The following GCA variants were observed in gnomAD, a reference collection of about 807,000 sequenced individuals.
GCA encodes the protein grancalcin.
Under a neutral mutation model 32.6 loss-of-function variants are expected in GCA, and 30 were observed. That is an observed-to-expected ratio of 0.92 (90% CI 0.69 to 1.25). The LOEUF (loss-of-function observed/expected upper bound fraction) is 1.25. GCA is among the 50% of genes most tolerant of loss of function. The pLI is 0.00. For missense variants in GCA, 291 were observed against 266.8 expected (o/e 1.09, Z -0.63); for synonymous variants, 102 against 84.6 (o/e 1.21, Z -1.13).
intron 2 of GCA, among the ~76,000 whole-genome samples, chr2:162,348,077 A>T (rs1684800884): frequency 6.6e-6 from 1 of 151,900 alleles, no homozygotes; most frequent in South Asian, 2.1e-4. Context: ...CCCCACCAAA[A>T]CTTAGATATA....
At chr2:162,351,007 C>T (rs946509989) in intron 2 of GCA, among the ~76,000 whole-genome samples, 2 of 152,096 alleles carry the variant, frequency 1.3e-5, no homozygotes, top group African/African-American at 2.4e-5. Flanking sequence ...ACATCTACAG[C>T]CATATCCTTT....
At chr2:162,371,263 C>G in intron 4 of GCA, 1 of 1,053,258 alleles carries the variant, frequency 9.5e-7, no homozygotes, top group South Asian at 1.3e-5. Flanking sequence ...GCTTCCTATA[C>G]TGTCAGAGGT....
chr2:162,370,023 A>G (rs1685874860), intron 4 of GCA, among the ~76,000 whole-genome samples: 1 of 152,300 alleles, frequency 6.6e-6, no homozygotes, highest in East Asian at 1.9e-4. Context: ...AAAATTAAGC[A>G]GGAATAAGAA....
At chr2:162,320,787 A>T (rs2105245332) in intron 1 of GCA, among the ~76,000 whole-genome samples, 1 of 152,208 alleles carries the variant, frequency 6.6e-6, no homozygotes, top group East Asian at 1.9e-4. Context: ...TATGGAGTTC[A>T]CATTCTAATG....
Position 162,352,421 on chromosome 2 carries a change from T to C in GCA, c.262+14T>C. ...GAACTTACTCTCGTGAGATCTTTTT[T>C]CCCCTTTTGTTGAAATTATAATAGG... On this transcript the variant is annotated intron_variant, in intron 3 of 7. Transcript: ENST00000437150. 2.8e-6 allele frequency: 4 copies of C among 1,448,966 alleles called. No homozygotes were observed. The highest frequency in any genetic ancestry group is 3.9e-6 in the Non-Finnish European group (4 of 1,036,350). The allele number at this position is 1,448,966 out of a possible 1,614,324, so 89.8% of individuals were successfully genotyped here. A position where few individuals can be genotyped will look rare whatever the true frequency, so the allele number is the denominator to read the frequency against.
chr2:162,367,235 G>A (rs146411468), downstream of GCA, among the ~76,000 whole-genome samples: 11 of 152,000 alleles, frequency 7.2e-5, no homozygotes, highest in African/African-American at 2.7e-4. Context: ...CATTTCCACC[G>A]TTCCGCACAA....
At chr2:162,350,415 G>T (rs1684933917) in intron 2 of GCA, among the ~76,000 whole-genome samples, 1 of 152,120 alleles carries the variant, frequency 6.6e-6, no homozygotes, top group Non-Finnish European at 1.5e-5. Flanking sequence ...CAGACCTATT[G>T]TATGAAACAA....
intron 1 of GCA, among the ~76,000 whole-genome samples, chr2:162,336,605 C>T (rs1226190071): frequency 1.3e-5 from 2 of 152,128 alleles, no homozygotes; most frequent in Non-Finnish European, 2.9e-5. Flanking sequence ...CAAGTCCTTA[C>T]TATAATCCTG....
At chr2:162,372,844 C>G (rs1180396594), downstream of GCA, among the ~76,000 whole-genome samples, 1 of 152,104 alleles carries the variant, frequency 6.6e-6, no homozygotes, top group Non-Finnish European at 1.5e-5. Flanking sequence ...TAACATAATT[C>G]AAAAGGACCC....
chr2:162,329,910 T>G (rs1245217355), intron 1 of GCA, among the ~76,000 whole-genome samples: 1 of 152,186 alleles, frequency 6.6e-6, no homozygotes, highest in Non-Finnish European at 1.5e-5. Context: ...GACTTATAAG[T>G]GAGAACATGC....
At chr2:162,327,776 G>A (rs1683938051) in intron 1 of GCA, among the ~76,000 whole-genome samples, 1 of 152,172 alleles carries the variant, frequency 6.6e-6, no homozygotes, top group African/African-American at 2.4e-5. Context: ...TTGGTGGCTG[G>A]GCCAAATACT....
At chr2:162,367,358 T>C (rs1406920968), downstream of GCA, among the ~76,000 whole-genome samples, 2 of 151,974 alleles carry the variant, frequency 1.3e-5, no homozygotes, top group African/African-American at 2.4e-5. Context: ...TGGAAAATTA[T>C]ATACTTTCAA....
chr2:162,356,662 G>A, intron 4 of GCA, 96 bp from the exon 5 acceptor site: 2 of 951,392 alleles, frequency 2.1e-6, no homozygotes, highest in Non-Finnish European at 3.2e-6. Flanking sequence ...TAATGAGTTT[G>A]GCTAAGTCTA....
intron 2 of GCA, among the ~76,000 whole-genome samples, chr2:162,351,373 A>G (rs1045171169): frequency 6.6e-6 from 1 of 152,230 alleles, no homozygotes; most frequent in African/African-American, 2.4e-5. Flanking sequence ...ACGAAGGGCA[A>G]TTGATTTTTG....
intron 1 of GCA, among the ~76,000 whole-genome samples, chr2:162,327,768 G>A (rs1683937611): frequency 3.3e-5 from 5 of 152,206 alleles, no homozygotes; most frequent in Admixed American, 3.3e-4. Flanking sequence ...TTGCACCTTT[G>A]GTGGCTGGGC....
chr2:162,373,641 A>T (rs778455344), downstream of GCA: 3 of 1,528,376 alleles, frequency 2.0e-6, no homozygotes, highest in Non-Finnish European at 2.6e-6. Context: ...TCTGGATGTC[A>T]GTGGTCATTT....
Position 162,360,554 on chromosome 2 carries a change from T to G in GCA, c.*311T>G. 9.3e-7 allele frequency: 1 copy of G among 1,073,630 alleles called. No homozygotes were observed. Among genetic ancestry groups the G allele is most frequent in the Middle Eastern group, 3.4e-4 (1 of 2,906 alleles). The allele number at this position is 1,073,630 out of a possible 1,614,324, so 66.5% of individuals were successfully genotyped here. On this transcript the variant is annotated 3_prime_UTR_variant, in exon 8 of 8. Coordinates refer to ENST00000437150, the MANE Select transcript of GCA (RefSeq NM_012198.5). ...ATAATGTAAATTTAGAGGAATGTAC[T>G]TTACAAGATAGATTGTATAAGAAGC...
intron 1 of GCA, among the ~76,000 whole-genome samples, chr2:162,336,636 G>GTA (rs1553463793): frequency 6.6e-6 from 1 of 150,914 alleles, no homozygotes; most frequent in Admixed American, 7.0e-5. Context: ...AAAAACCTAA[G>GTA]TATATCTCTC....
In GCA at chr2:162,332,344, A is replaced by G. The variant is rs1004546029; in HGVS notation, c.-31+13119A>G. Among the ~76,000 whole-genome samples the G allele has an allele frequency of 6.2e-5, 9 of 146,150 alleles. No homozygotes were observed. In the East Asian group the frequency reaches 1.8e-3, roughly 29 times the overall value. On this transcript the variant is annotated intron_variant, in intron 1 of 4. Transcript: ENST00000429691. ...AAAAATATATATATATATATAATAT[A>G]TAATATTATTTATATATTATATGAT... is the stretch of plus-strand genomic sequence containing the variant.
Sources: allele counts gnomAD v4.1 joint callset (sites outside exome capture counted in the v4.1 genomes callset), GRCh38; gene constraint gnomAD v4.1.1; transcripts MANE v1.5; gene names NCBI Gene and HGNC (gene_info 2026-07-23, HGNC 2026-07-21).